The following GRIP1 variants were observed in gnomAD, a reference collection of about 807,000 sequenced individuals.
The protein encoded by GRIP1 is glutamate receptor-interacting protein 1.
A neutral mutation model predicts 129.9 loss-of-function variants in GRIP1; 45 were observed. That is an observed-to-expected ratio of 0.35 (90% CI 0.27 to 0.44). The LOEUF (loss-of-function observed/expected upper bound fraction) is 0.44. GRIP1 is among the 20% of genes least tolerant of loss of function. The probability of loss-of-function intolerance (pLI) is 1.00; values close to 1 mark genes in which losing one functional copy is unlikely to be tolerated. For synonymous variants in GRIP1, 530 were observed against 520.8 expected (o/e 1.02, Z -0.24); for missense variants, 1,196 against 1,396.8 (o/e 0.86, Z 2.29).
chr12:66,739,839 G>A (rs1046299214), intron 1 of GRIP1, among the ~76,000 whole-genome samples: 1 of 151,912 alleles, frequency 6.6e-6, no homozygotes, highest in African/African-American at 2.4e-5. Context: ...GAATAATACT[G>A]AATAAGGAAA....
intron 1 of GRIP1, among the ~76,000 whole-genome samples, chr12:66,846,053 T>C (rs1416977470): frequency 6.6e-6 from 1 of 152,220 alleles, no homozygotes; most frequent in Non-Finnish European, 1.5e-5. Flanking sequence ...GCTATTCTCT[T>C]GCTTCAATCC....
chr12:66,541,376 CAG>C (rs1269046338), intron 3 of GRIP1, among the ~76,000 whole-genome samples: 1 of 152,202 alleles, frequency 6.6e-6, no homozygotes, highest in Non-Finnish European at 1.5e-5. Flanking sequence ...ACTGAAAACT[CAG>C]AGTTAGGTCT....
intron 1 of GRIP1, among the ~76,000 whole-genome samples, chr12:67,007,320 G>A (rs73317171): frequency 0.019 from 2,935 of 152,070 alleles, 99 homozygotes; most frequent in African/African-American, 0.067. Context: ...ATTCATATGC[G>A]GGGGATAAAG....
At chr12:66,383,445 GA>G in intron 19 of GRIP1, among the ~76,000 whole-genome samples, 1 of 152,230 alleles carries the variant, frequency 6.6e-6, no homozygotes, top group African/African-American at 2.4e-5. Context: ...CCTAAGAAGG[GA>G]AAAGTATTCC....
intron 1 of GRIP1, among the ~76,000 whole-genome samples, chr12:66,716,253 T>C (rs1046357829): frequency 6.6e-6 from 1 of 152,062 alleles, no homozygotes; most frequent in African/African-American, 2.4e-5. Flanking sequence ...TAGTCAAGTT[T>C]AACTGATTTG....
chr12:66,905,287 T>C lies in GRIP1; in HGVS notation c.58+163763A>G, dbSNP rs918876833. ...TCTTGTTTTATAAAAATGTTCATTG[T>C]AGGAAATCTCTGCTCCAAGCTCCTC... On this transcript the variant is annotated intron_variant, in intron 1 of 1. Coordinates refer to the GRIP1 transcript ENST00000643019. 2.2e-4 allele frequency among the ~76,000 whole-genome samples: 33 copies of C among 152,216 alleles called. 1 individual carries two copies. The highest frequency in any genetic ancestry group is 2.2e-3 in the Admixed American group (33 of 15,278).
chr12:66,883,070 T>C (rs1009861789), intron 1 of GRIP1, among the ~76,000 whole-genome samples: 4 of 152,162 alleles, frequency 2.6e-5, no homozygotes, highest in Non-Finnish European at 4.4e-5. Context: ...CCCACTCTGC[T>C]TTGTTCATTT....
At chr12:66,641,798 C>T (rs986154685) in intron 1 of GRIP1, among the ~76,000 whole-genome samples, 5 of 152,156 alleles carry the variant, frequency 3.3e-5, no homozygotes, top group African/African-American at 9.7e-5. Context: ...TTATAAGGAT[C>T]GCAGTGCTAC....
chr12:66,729,507 T>A (rs1022694371), intron 1 of GRIP1, among the ~76,000 whole-genome samples: 1 of 152,230 alleles, frequency 6.6e-6, no homozygotes, highest in African/African-American at 2.4e-5. Context: ...ATTTACAGAA[T>A]AGAGACTTGA....
intron 24 of GRIP1, 116 bp from the exon 25 acceptor site, chr12:66,349,362 G>C (rs545693242): frequency 2.6e-6 from 2 of 781,442 alleles, no homozygotes; most frequent in Admixed American, 2.0e-5. Flanking sequence ...TAAAATGAGC[G>C]CCATGAGGTC....
intron 1 of GRIP1, among the ~76,000 whole-genome samples, chr12:66,754,586 C>G (rs1368995551): frequency 6.6e-6 from 1 of 152,206 alleles, no homozygotes; most frequent in African/African-American, 2.4e-5. Context: ...ACTACACTGT[C>G]TGCTCAAGGT....
intron 1 of GRIP1, among the ~76,000 whole-genome samples, chr12:66,694,839 C>T (rs1425213810): frequency 6.6e-6 from 1 of 152,022 alleles, no homozygotes; most frequent in Non-Finnish European, 1.5e-5. Context: ...TCCCGGATTA[C>T]CACAGTAGAC....
intron 1 of GRIP1, among the ~76,000 whole-genome samples, chr12:66,744,366 T>A (rs568060898): frequency 6.6e-6 from 1 of 152,296 alleles, no homozygotes; most frequent in Non-Finnish European, 1.5e-5. Flanking sequence ...ATTAGCCTGC[T>A]CTTTTTAGGA....
chr12:66,656,080 C>T (rs1243512397), intron 1 of GRIP1, among the ~76,000 whole-genome samples: 1 of 152,048 alleles, frequency 6.6e-6, no homozygotes, highest in African/African-American at 2.4e-5. Context: ...AATTTTTTCT[C>T]CAGGCATCCA....
intron 1 of GRIP1, among the ~76,000 whole-genome samples, chr12:66,724,551 G>A (rs2036192185): frequency 6.6e-6 from 1 of 152,138 alleles, no homozygotes; most frequent in Admixed American, 6.5e-5. Context: ...GCTTCAGTGA[G>A]GGGGCTTTGC....
At chr12:66,531,173 T>C (rs912220874) in intron 4 of GRIP1, among the ~76,000 whole-genome samples, 2 of 148,400 alleles carry the variant, frequency 1.3e-5, no homozygotes, top group South Asian at 4.3e-4. Flanking sequence ...GGGGCGGAGG[T>C]TGCAGTGAGC....
At chr12:66,678,820 G>C (rs188759063) in intron 1 of GRIP1, 30 bp downstream of exon 1, 2 of 1,601,498 alleles carry the variant, frequency 1.2e-6, no homozygotes, top group Non-Finnish European at 8.6e-7. Flanking sequence ...CAACAGACTC[G>C]CTGAGGGAAT....
chr12:66,438,738 C>T (rs2058386149), intron 13 of GRIP1, among the ~76,000 whole-genome samples: 1 of 152,058 alleles, frequency 6.6e-6, no homozygotes, highest in Non-Finnish European at 1.5e-5. Flanking sequence ...TCAAGTAATC[C>T]ACCCGCCTTG....
intron 1 of GRIP1, among the ~76,000 whole-genome samples, chr12:66,881,417 G>A (rs1276395490): frequency 3.3e-5 from 5 of 152,106 alleles, no homozygotes; most frequent in Non-Finnish European, 5.9e-5. Flanking sequence ...AAATCTCTGT[G>A]CTAAAAATTA....
Sources: gnomAD v4.1 joint callset for allele counts (sites outside exome capture counted in the v4.1 genomes callset) on GRCh38, gnomAD v4.1.1 for gene constraint, MANE v1.5 for transcripts, NCBI Gene and HGNC (gene_info 2026-07-23, HGNC 2026-07-21) for gene names.